The following HK1 variants were observed in gnomAD, a reference collection of about 807,000 sequenced individuals.
The protein encoded by HK1 is hexokinase 1.
A neutral mutation model predicts 91.6 loss-of-function variants in HK1; 28 were observed. The observed-to-expected ratio is 0.31, with a 90% CI of 0.23 to 0.42. HK1 has a LOEUF of 0.42. Among genes scored for constraint, HK1 ranks in the 10% least tolerant of loss-of-function variants. The pLI is 1.00. For missense variants in HK1, 770 were observed against 1,219.8 expected (o/e 0.63, Z 5.49); for synonymous variants, 430 against 468.1 (o/e 0.92, Z 1.05).
chr10:69,276,119 A>AATATATATATATATATATATATATC (rs1844448552), intron 1 of HK1, among the ~76,000 whole-genome samples: 1 of 15,882 alleles, frequency 6.3e-5, no homozygotes, highest in African/African-American at 2.6e-4. Flanking sequence ...AAAAAAAAAA[A>AATATATATATATATATATATATATC]TACATATATA....
intron 3 of HK1, chr10:69,292,230 C>T: frequency 3.0e-6 from 1 of 329,240 alleles, no homozygotes; most frequent in South Asian, 2.3e-5. Context: ...GCCCCCACAA[C>T]CAGCCAGTTT....
chr10:69,300,731 G>A, intron 4 of HK1: 2 of 1,160,642 alleles, frequency 1.7e-6, no homozygotes, highest in East Asian at 2.4e-5. Flanking sequence ...TGACTTTGGA[G>A]CATGGCCTAA....
At chr10:69,271,357 T>C (rs1047780593) in intron 1 of HK1, among the ~76,000 whole-genome samples, 2 of 152,166 alleles carry the variant, frequency 1.3e-5, no homozygotes, top group Admixed American at 6.5e-5. Context: ...GGGAAATTAA[T>C]GGCATGAATT....
chr10:69,271,861 C>CTCTT (rs1564744203), intron 1 of HK1, among the ~76,000 whole-genome samples: 1 of 151,144 alleles, frequency 6.6e-6, no homozygotes, highest in Non-Finnish European at 1.5e-5. Flanking sequence ...TCTGTGATTT[C>CTCTT]TCTTTTTTTT....
intron 3 of HK1, among the ~76,000 whole-genome samples, chr10:69,291,232 G>T (rs896728334): frequency 6.6e-6 from 1 of 152,220 alleles, no homozygotes; most frequent in African/African-American, 2.4e-5. Flanking sequence ...CAGCAGGTTT[G>T]GACTCCTGCA....
chr10:69,297,177 C>A (rs1013502446), intron 4 of HK1, among the ~76,000 whole-genome samples: 2 of 152,144 alleles, frequency 1.3e-5, no homozygotes, highest in Non-Finnish European at 2.9e-5. Context: ...GTTTTATATA[C>A]TATATTCTGT....
intron 3 of HK1, among the ~76,000 whole-genome samples, chr10:69,290,564 T>A (rs1165168153): frequency 6.6e-6 from 1 of 152,152 alleles, no homozygotes; most frequent in East Asian, 1.9e-4. Flanking sequence ...TATGGTGCAA[T>A]CTTGGCTCAC....
intron 2 of HK1, among the ~76,000 whole-genome samples, chr10:69,287,039 A>G (rs930179110): frequency 2.0e-5 from 3 of 152,250 alleles, no homozygotes; most frequent in African/African-American, 4.8e-5. Context: ...TCGCACTGCT[A>G]TAAAGAAATG....
chr10:69,291,501 G>C (rs1292523194), intron 3 of HK1, among the ~76,000 whole-genome samples: 1 of 152,138 alleles, frequency 6.6e-6, no homozygotes, highest in Non-Finnish European at 1.5e-5. Flanking sequence ...TGAAGAAGGT[G>C]TCATTCCCAC....
intron 5 of HK1, among the ~76,000 whole-genome samples, chr10:69,306,141 G>A (rs1846091617): frequency 6.6e-6 from 1 of 151,968 alleles, no homozygotes; most frequent in Non-Finnish European, 1.5e-5. Context: ...CAGATCATGA[G>A]GTCAGGAGAT....
chr10:69,334,266 T>C (rs1305852851), intron 1 of HK1, among the ~76,000 whole-genome samples: 3 of 152,178 alleles, frequency 2.0e-5, no homozygotes, highest in African/African-American at 7.2e-5. Flanking sequence ...ATGGGGTTTT[T>C]GAGTGCCTGA....
chr10:69,391,044 AT>A (rs1487621652), intron 14 of HK1, among the ~76,000 whole-genome samples: 2 of 152,130 alleles, frequency 1.3e-5, no homozygotes, highest in African/African-American at 2.4e-5. Flanking sequence ...TGGTCCTTCT[AT>A]TTTGAGTGAC....
At chr10:69,292,408 C>A (rs748743012) in intron 3 of HK1, 16 of 431,968 alleles carry the variant, frequency 3.7e-5, no homozygotes, top group South Asian at 2.2e-4. Flanking sequence ...ACAAGAAGTG[C>A]TGGAAAGATC....
exon 1 of HK1, chr10:69,270,014 G>T (rs567423384): frequency 6.6e-6 from 1 of 152,370 alleles, no homozygotes; most frequent in East Asian, 1.9e-4. Flanking sequence ...CATCTATCTT[G>T]CTGTGTTTGG....
At chr10:69,387,069 A>T (rs1281188251) in intron 13 of HK1, among the ~76,000 whole-genome samples, 2 of 152,124 alleles carry the variant, frequency 1.3e-5, no homozygotes, top group Admixed American at 1.3e-4. Context: ...AATTTCACAG[A>T]GTCCACAAAC....
chr10:69,379,745 C>T, intron 8 of HK1, 117 bp from the exon 9 acceptor site: 1 of 808,312 alleles, frequency 1.2e-6, no homozygotes, highest in South Asian at 1.4e-5. Flanking sequence ...CCATACCATC[C>T]CATACCATCC....
At position 69,369,678 on chromosome 10, in the gene HK1, T is replaced by G; in HGVS notation, c.875+54T>G. 1 of 1,509,010 alleles carries G rather than the reference T, an allele frequency of 6.6e-7. No individual in the cohort carries two copies. The highest frequency in any genetic ancestry group is 9.1e-7 in the Non-Finnish European group (1 of 1,095,808). 93.5% of individuals were successfully genotyped at this position (1,509,010 alleles called of 1,614,324 possible). On this transcript the variant is annotated intron_variant, in intron 7 of 17. Transcript: ENST00000359426. This position sits in a 1 kb window ranked among gnomAD's most constrained non-coding sequence, Gnocchi z 4.4. ...CATATGTGAGTTAGGGGACATTTGA[T>G]GAAAGATTTGGGATGGGAGATGAAA...
intron 5 of HK1, among the ~76,000 whole-genome samples, chr10:69,310,760 A>T (rs898672128): frequency 6.6e-6 from 1 of 152,160 alleles, no homozygotes; most frequent in Non-Finnish European, 1.5e-5. Context: ...AATACATGTA[A>T]GAGGTACATT....
At chr10:69,397,594 T>C (rs1452996720) in intron 16 of HK1, among the ~76,000 whole-genome samples, 1 of 152,210 alleles carries the variant, frequency 6.6e-6, no homozygotes, top group African/African-American at 2.4e-5. Context: ...TTTGCAATAC[T>C]CAATTTCTCC....
Sources: gnomAD v4.1 joint callset for allele counts (sites outside exome capture counted in the v4.1 genomes callset) on GRCh38, gnomAD v4.1.1 for gene constraint, Gnocchi (gnomAD v3.1) non-coding constraint, MANE v1.5 for transcripts, NCBI Gene and HGNC (gene_info 2026-07-23, HGNC 2026-07-21) for gene names.